Variants in UBE2R2 observed in about 807,000 individuals in gnomAD.
UBE2R2 encodes the protein ubiquitin-conjugating enzyme E2 R2.
A neutral mutation model predicts 27.8 loss-of-function variants in UBE2R2; 1 was observed. The observed-to-expected ratio is 0.04, with a 90% CI of 0.01 to 0.17. The LOEUF is 0.17. Ranked by LOEUF, UBE2R2 falls within the 10% of genes least tolerant of loss-of-function variation. The pLI, the probability that UBE2R2 is intolerant of heterozygous loss-of-function variation, is 1.00. For missense variants in UBE2R2, 100 were observed against 291.0 expected, an observed-to-expected ratio of 0.34 and a Z score of 4.78; for synonymous variants, 106 against 113.3, an observed-to-expected ratio of 0.94 and a Z score of 0.41.
upstream of UBE2R2, among the ~76,000 whole-genome samples, chr9:33,815,426 A>G (rs1018224914): frequency 8.5e-5 from 13 of 152,352 alleles, no homozygotes; most frequent in Admixed American, 4.6e-4. Context: ...GAACTTGACT[A>G]TCTTTTCAAT....
At chr9:33,852,610 G>A (rs1227543468) in intron 1 of UBE2R2, among the ~76,000 whole-genome samples, 1 of 152,176 alleles carries the variant, frequency 6.6e-6, no homozygotes, top group African/African-American at 2.4e-5. Flanking sequence ...TAAGACAGGT[G>A]GCCTATTTTC....
intron 1 of UBE2R2, among the ~76,000 whole-genome samples, chr9:33,829,011 A>T (rs1480036628): frequency 2.6e-5 from 4 of 152,170 alleles, no homozygotes; most frequent in Non-Finnish European, 4.4e-5. Flanking sequence ...CTGGGATTAC[A>T]AGTGTGAGCC....
At chr9:33,910,223 C>T (rs1027485260) in intron 3 of UBE2R2, among the ~76,000 whole-genome samples, 1 of 152,152 alleles carries the variant, frequency 6.6e-6, no homozygotes. Flanking sequence ...CAGCTCACTG[C>T]AGCCTCCGCC....
At chr9:33,835,442 C>T (rs190575890) in intron 1 of UBE2R2, among the ~76,000 whole-genome samples, 29 of 152,132 alleles carry the variant, frequency 1.9e-4, no homozygotes, top group Admixed American at 1.5e-3. Context: ...CCACTGAGCC[C>T]GGCCTAAGTG....
intron 3 of UBE2R2, among the ~76,000 whole-genome samples, chr9:33,911,421 A>AC (rs1822485795): frequency 5.4e-5 from 8 of 149,480 alleles, no homozygotes; most frequent in African/African-American, 2.0e-4. Context: ...AAAAAAAAAA[A>AC]AAAAAAAAAA....
At chr9:33,914,833 GAAA>G (rs796226490) in intron 4 of UBE2R2, among the ~76,000 whole-genome samples, 3 of 121,996 alleles carry the variant, frequency 2.5e-5, no homozygotes, top group Admixed American at 1.7e-4. Context: ...CGTCTCAAAA[GAAA>G]AAAAAAAAAA....
At chr9:33,838,226 A>G (rs1306882040) in intron 1 of UBE2R2, among the ~76,000 whole-genome samples, 1 of 137,030 alleles carries the variant, frequency 7.3e-6, no homozygotes, top group African/African-American at 2.7e-5. Context: ...GTCTAGCTGT[A>G]TTTTTTAGTT....
In UBE2R2 at chr9:33,887,646, T is replaced by TTTTGTTTG. The variant is rs201263026; in HGVS notation, c.264+715_264+722dup. Among the ~76,000 whole-genome samples the TTTTGTTTG allele has an allele frequency of 1.6e-3, 236 of 150,238 alleles. 1 individual carries two copies. Among genetic ancestry groups the TTTTGTTTG allele is most frequent in the Non-Finnish European group, 2.6e-3 (176 of 67,488 alleles). The stretch of plus-strand genomic sequence containing the variant: ...TCTTCACTATTCTATAAGTGTGCTT[T>TTTTGTTTG]TTTGTTTGTTTGTTTGTTTGTTTGT... On this transcript the variant is annotated intron_variant, in intron 2 of 4. Transcript: ENST00000263228.
chr9:33,912,230 A>C, intron 4 of UBE2R2, 132 bp downstream of exon 4: 1 of 838,488 alleles, frequency 1.2e-6, no homozygotes, highest in Non-Finnish European at 1.8e-6. Flanking sequence ...TAGTGTGGGA[A>C]GAGAAGATTT....
intron 1 of UBE2R2, among the ~76,000 whole-genome samples, chr9:33,827,224 T>C (rs1026358499): frequency 1.3e-5 from 2 of 152,182 alleles, no homozygotes; most frequent in Non-Finnish European, 2.9e-5. Flanking sequence ...CTTAGAAGGT[T>C]GAGTTGAGGT....
At chr9:33,874,356 A>G (rs1587461523) in intron 1 of UBE2R2, among the ~76,000 whole-genome samples, 1 of 152,116 alleles carries the variant, frequency 6.6e-6, no homozygotes, top group Non-Finnish European at 1.5e-5. Flanking sequence ...CAAGTGAAAA[A>G]TCTTCTTTTT....
chr9:33,829,012 A>G (rs968108711), intron 1 of UBE2R2, among the ~76,000 whole-genome samples: 2 of 151,858 alleles, frequency 1.3e-5, no homozygotes, highest in Non-Finnish European at 2.9e-5. Context: ...TGGGATTACA[A>G]GTGTGAGCCA....
chr9:33,862,717 G>T (rs1375692268), intron 1 of UBE2R2, among the ~76,000 whole-genome samples: 2 of 151,866 alleles, frequency 1.3e-5, no homozygotes, highest in Non-Finnish European at 2.9e-5. Flanking sequence ...ACTGTAGAAG[G>T]GTTTGTCTTT....
intron 1 of UBE2R2, among the ~76,000 whole-genome samples, chr9:33,870,548 T>C (rs1156443551): frequency 2.0e-5 from 3 of 152,106 alleles, no homozygotes; most frequent in African/African-American, 4.8e-5. Flanking sequence ...CCAAGAAGTA[T>C]GAGAACGAGT....
chr9:33,836,031 A>G (rs939933095), intron 1 of UBE2R2, among the ~76,000 whole-genome samples: 1 of 152,250 alleles, frequency 6.6e-6, no homozygotes, highest in African/African-American at 2.4e-5. Flanking sequence ...GGCTGGGCAC[A>G]GTGGCTCACG....
intron 2 of UBE2R2, among the ~76,000 whole-genome samples, chr9:33,895,064 A>G (rs1381938849): frequency 1.3e-5 from 2 of 152,190 alleles, no homozygotes; most frequent in African/African-American, 2.4e-5. Flanking sequence ...TATATTATAC[A>G]TATTAAACCT....
intron 1 of UBE2R2, among the ~76,000 whole-genome samples, chr9:33,858,829 GT>G (rs1821162078): frequency 1.3e-5 from 2 of 152,000 alleles, no homozygotes; most frequent in South Asian, 4.2e-4. Context: ...GTTTTGTTTT[GT>G]TTTGTTTTGT....
At chr9:33,818,742 A>ATTGATAG (rs1825898590) in intron 1 of UBE2R2, 1 of 152,032 alleles carries the variant, frequency 6.6e-6, no homozygotes, top group South Asian at 2.1e-4. Flanking sequence ...ATGTAGGGAG[A>ATTGATAG]CTGATAGCTT....
At chr9:33,829,587 AGT>A (rs1302653002) in intron 1 of UBE2R2, among the ~76,000 whole-genome samples, 2 of 152,166 alleles carry the variant, frequency 1.3e-5, no homozygotes, top group Non-Finnish European at 2.9e-5. Context: ...TACCTCTGAA[AGT>A]GAGAGATGAT....
Sources: allele counts gnomAD v4.1 joint callset (sites outside exome capture counted in the v4.1 genomes callset), GRCh38; gene constraint gnomAD v4.1.1; transcripts MANE v1.5; gene names NCBI Gene and HGNC (gene_info 2026-07-23, HGNC 2026-07-21).